Variants in MRPS28 observed in about 807,000 individuals in gnomAD.
The protein encoded by MRPS28 is mitochondrial ribosomal protein S28.
MRPS28 carries 7 observed loss-of-function variants against 10.8 expected under a neutral mutation model. That is an observed-to-expected ratio of 0.65 (90% CI 0.37 to 1.22). The LOEUF (loss-of-function observed/expected upper bound fraction) is 1.22. Ranked by LOEUF, MRPS28 falls within the 50% of genes most tolerant of loss-of-function variation. The probability of loss-of-function intolerance (pLI) is 0.02; values close to 1 mark genes in which losing one functional copy is unlikely to be tolerated. For synonymous variants in MRPS28, 121 were observed against 93.3 expected (o/e 1.30, Z -1.71); for missense variants, 265 against 232.9 (o/e 1.14, Z -0.90).
chr8:80,007,058 A>T (rs1172553177), intron 1 of MRPS28, among the ~76,000 whole-genome samples: 1 of 152,242 alleles, frequency 6.6e-6, no homozygotes, highest in East Asian at 1.9e-4. Context: ...CAGCACATCA[A>T]AAAGCTTATC....
chr8:80,013,785 G>A (rs543728307), intron 1 of MRPS28, among the ~76,000 whole-genome samples: 2 of 151,948 alleles, frequency 1.3e-5, no homozygotes, highest in South Asian at 2.1e-4. Flanking sequence ...TCTATTAACC[G>A]TGCTATAATA....
At chr8:79,954,083 T>C (rs901749714) in intron 2 of MRPS28, among the ~76,000 whole-genome samples, 16 of 152,170 alleles carry the variant, frequency 1.1e-4, no homozygotes, top group African/African-American at 3.9e-4. Flanking sequence ...GGAATATAAC[T>C]ACTATATCCC....
intron 2 of MRPS28, among the ~76,000 whole-genome samples, chr8:79,972,846 T>C (rs1040782992): frequency 6.6e-6 from 1 of 152,180 alleles, no homozygotes. Context: ...TATCAAAATA[T>C]CACACAAGGG....
intron 2 of MRPS28, among the ~76,000 whole-genome samples, chr8:79,960,930 T>A (rs572979459): frequency 3.9e-5 from 6 of 152,150 alleles, no homozygotes; most frequent in African/African-American, 1.4e-4. Context: ...AAGGCAATAG[T>A]GTCTCTGGGT....
At chr8:79,982,151 G>T (rs1419824696) in intron 2 of MRPS28, among the ~76,000 whole-genome samples, 2 of 152,032 alleles carry the variant, frequency 1.3e-5, no homozygotes, top group Non-Finnish European at 2.9e-5. Flanking sequence ...GGAAGCTGAG[G>T]CAGGAGAATT....
At chr8:80,028,023 T>TGGAAA (rs758770350) in intron 1 of MRPS28, among the ~76,000 whole-genome samples, 1 of 152,138 alleles carries the variant, frequency 6.6e-6, no homozygotes, top group Non-Finnish European at 1.5e-5. Flanking sequence ...AGAACTGCCT[T>TGGAAA]GGAAAGGAAA....
chr8:80,020,537 T>C (rs1809328408), intron 1 of MRPS28, among the ~76,000 whole-genome samples: 1 of 152,122 alleles, frequency 6.6e-6, no homozygotes, highest in African/African-American at 2.4e-5. Context: ...ATGGAAAGAA[T>C]TGAAAAGATT....
intron 2 of MRPS28, among the ~76,000 whole-genome samples, chr8:79,928,883 T>C (rs1045735426): frequency 2.6e-5 from 4 of 151,892 alleles, no homozygotes; most frequent in Non-Finnish European, 5.9e-5. Flanking sequence ...CTGTCTCTAC[T>C]AAAAATACAA....
At chr8:80,024,093 G>C (rs1809437393) in intron 1 of MRPS28, among the ~76,000 whole-genome samples, 1 of 152,108 alleles carries the variant, frequency 6.6e-6, no homozygotes, top group Non-Finnish European at 1.5e-5. Context: ...AGCCAGGCAT[G>C]GTGACGCACA....
At chr8:79,925,511 CAGA>C (rs1810209650) in intron 2 of MRPS28, among the ~76,000 whole-genome samples, 1 of 152,150 alleles carries the variant, frequency 6.6e-6, no homozygotes, top group Admixed American at 6.5e-5. Context: ...CCACCACAAA[CAGA>C]AGTTTTGTCT....
chr8:80,005,149 C>T (rs1310980532), intron 1 of MRPS28, among the ~76,000 whole-genome samples: 3 of 152,136 alleles, frequency 2.0e-5, no homozygotes, highest in Non-Finnish European at 4.4e-5. Context: ...CACAAAGATA[C>T]TCCTCGAGAA....
At chr8:80,007,034 C>G (rs893900172) in intron 1 of MRPS28, among the ~76,000 whole-genome samples, 13 of 152,182 alleles carry the variant, frequency 8.5e-5, no homozygotes, top group African/African-American at 2.7e-4. Flanking sequence ...AAAATACTGG[C>G]AAACCGAATC....
chr8:80,028,213 CGAAGGGGCTTA>C (rs924008464), intron 1 of MRPS28, among the ~76,000 whole-genome samples: 5 of 152,066 alleles, frequency 3.3e-5, no homozygotes, highest in Non-Finnish European at 5.9e-5. Context: ...GGGGGGTTTC[CGAAGGGGCTTA>C]GAATGTGGTA....
intron 1 of MRPS28, among the ~76,000 whole-genome samples, chr8:80,025,175 A>G (rs1809464164): frequency 6.6e-6 from 1 of 152,240 alleles, no homozygotes; most frequent in South Asian, 2.1e-4. Context: ...GTTCAAATTG[A>G]TAGCACTTAC....
intron 2 of MRPS28, among the ~76,000 whole-genome samples, chr8:79,985,401 C>T (rs893020856): frequency 6.6e-6 from 1 of 152,040 alleles, no homozygotes; most frequent in Non-Finnish European, 1.5e-5. Context: ...CAAAAGCTAG[C>T]AGAAGGCAAG....
Position 79,924,425 on chromosome 8 carries a change from C to T in MRPS28, c.396-5277G>A, listed in dbSNP as rs190187290. Reference sequence around the variant, plus strand: ...AATCTATATGTGAAGTCAGCAGCCACGTCCCTGTGTGTATGTGTGTGAGTA... The same window carrying T: ...AATCTATATGTGAAGTCAGCAGCCATGTCCCTGTGTGTATGTGTGTGAGTA... On this transcript the variant is annotated intron_variant, in intron 2 of 2. Coordinates refer to ENST00000276585, the MANE Select transcript of MRPS28 (RefSeq NM_014018.3). 2.3e-3 allele frequency among the ~76,000 whole-genome samples: 351 copies of T among 152,206 alleles called. 2 individuals carry two copies. The highest frequency in any genetic ancestry group is 4.4e-3 in the South Asian group (21 of 4,816).
intron 2 of MRPS28, among the ~76,000 whole-genome samples, chr8:79,996,826 T>A: frequency 6.6e-6 from 1 of 152,256 alleles, no homozygotes; most frequent in South Asian, 2.1e-4. Context: ...GTCTTTATGA[T>A]GCTTGAGTTA....
chr8:80,012,702 C>T (rs1809086812), intron 1 of MRPS28, among the ~76,000 whole-genome samples: 1 of 152,146 alleles, frequency 6.6e-6, no homozygotes, highest in Non-Finnish European at 1.5e-5. Flanking sequence ...TCCTTTGAAG[C>T]CTGAAAGTTG....
chr8:79,979,455 G>A (rs1365961845), intron 2 of MRPS28, among the ~76,000 whole-genome samples: 1 of 151,856 alleles, frequency 6.6e-6, no homozygotes, highest in Admixed American at 6.6e-5. Flanking sequence ...ACTGAAGTCT[G>A]GCAGCTTTTG....
Sources: allele counts gnomAD v4.1 joint callset (sites outside exome capture counted in the v4.1 genomes callset), GRCh38; gene constraint gnomAD v4.1.1; transcripts MANE v1.5; gene names NCBI Gene and HGNC (gene_info 2026-07-23, HGNC 2026-07-21).